INPP4B: variants seen among roughly 807,000 people sequenced by gnomAD.
INPP4B encodes inositol polyphosphate-4-phosphatase type II B, also known as inositol polyphosphate 4-phosphatase type II.
In INPP4B, 55 loss-of-function variants were observed where a neutral mutation model predicts 122.5. The observed-to-expected ratio is 0.45, with a 90% confidence interval of 0.36 to 0.56. The LOEUF (loss-of-function observed/expected upper bound fraction) is 0.56. INPP4B is among the 20% of genes least tolerant of loss of function. The pLI is 0.00. For synonymous variants in INPP4B, 403 were observed against 388.7 expected, an observed-to-expected ratio of 1.04 and a Z score of -0.43; for missense variants, 1,000 against 1,097.7, an observed-to-expected ratio of 0.91 and a Z score of 1.26.
chr4:142,673,892 T>C (rs573272195), intron 2 of INPP4B, among the ~76,000 whole-genome samples: 1 of 152,166 alleles, frequency 6.6e-6, no homozygotes, highest in Non-Finnish European at 1.5e-5. Flanking sequence ...GGACCCATGA[T>C]ACAGCACCTA....
intron 7 of INPP4B, among the ~76,000 whole-genome samples, chr4:142,334,408 T>G (rs868678653): frequency 2.0e-5 from 3 of 152,306 alleles, no homozygotes; most frequent in Non-Finnish European, 4.4e-5. Context: ...AATGCTGCAA[T>G]GAACATGGGC....
At chr4:142,125,638 C>A (rs940021550) in intron 18 of INPP4B, among the ~76,000 whole-genome samples, 6 of 152,084 alleles carry the variant, frequency 3.9e-5, no homozygotes, top group African/African-American at 1.4e-4. Context: ...TTCAGGATTT[C>A]TCTTCTCCAG....
chr4:142,587,185 A>G (rs1197926526), intron 2 of INPP4B, among the ~76,000 whole-genome samples: 1 of 152,166 alleles, frequency 6.6e-6, no homozygotes, highest in Non-Finnish European at 1.5e-5. Context: ...TTATCCTGTA[A>G]TGGCCAGTGG....
chr4:142,663,996 G>A (rs1447896600), intron 2 of INPP4B, among the ~76,000 whole-genome samples: 2 of 152,174 alleles, frequency 1.3e-5, no homozygotes, highest in Admixed American at 6.5e-5. Context: ...TCAGAGGAAT[G>A]ACTTGGTTAT....
chr4:142,032,935 C>CTT (rs147654038), intron 25 of INPP4B, among the ~76,000 whole-genome samples: 2,090 of 148,894 alleles, frequency 0.014, 42 homozygotes, highest in African/African-American at 0.048. Flanking sequence ...TCCCTCCTGC[C>CTT]TTTTTTTTTT....
chr4:142,240,399 T>C (rs1378179315), intron 11 of INPP4B, among the ~76,000 whole-genome samples: 1 of 152,072 alleles, frequency 6.6e-6, no homozygotes, highest in Non-Finnish European at 1.5e-5. Context: ...TTTGTTGAAA[T>C]AGATTAAACA....
At chr4:142,822,475 C>T (rs73850569) in intron 1 of INPP4B, among the ~76,000 whole-genome samples, 3,217 of 152,228 alleles carry the variant, frequency 0.021, 109 homozygotes, top group African/African-American at 0.073. Context: ...TGCCTCCTGT[C>T]AGATCAGTGG....
At chr4:142,202,737 T>C (rs1841174056) in intron 14 of INPP4B, 1 of 984,360 alleles carries the variant, frequency 1.0e-6, no homozygotes, top group Non-Finnish European at 1.2e-6. Context: ...CTTCTTTTCA[T>C]ACCAATTTGC....
At chr4:142,381,098 T>A (rs1031861244) in intron 7 of INPP4B, among the ~76,000 whole-genome samples, 1 of 152,158 alleles carries the variant, frequency 6.6e-6, no homozygotes, top group Non-Finnish European at 1.5e-5. Context: ...CCTGGTGTTT[T>A]GTTTCTATGA....
At chr4:142,430,117 GC>G (rs1808973676) in intron 4 of INPP4B, among the ~76,000 whole-genome samples, 1 of 151,926 alleles carries the variant, frequency 6.6e-6, no homozygotes, top group South Asian at 2.1e-4. Context: ...AAATTTACTG[GC>G]ATTTGGTCAC....
chr4:142,800,994 G>T (rs1777923598), intron 1 of INPP4B, among the ~76,000 whole-genome samples: 1 of 152,100 alleles, frequency 6.6e-6, no homozygotes, highest in African/African-American at 2.4e-5. Context: ...AAATAGATTT[G>T]ATGAAGAGTG....
chr4:142,484,822 C>T (rs1821012544), intron 2 of INPP4B, among the ~76,000 whole-genome samples: 1 of 151,978 alleles, frequency 6.6e-6, no homozygotes, highest in Admixed American at 6.6e-5. Flanking sequence ...TCCACGTTTT[C>T]TCATCATTTA....
chr4:142,549,766 T>C (rs967888713), intron 2 of INPP4B, among the ~76,000 whole-genome samples: 1 of 152,122 alleles, frequency 6.6e-6, no homozygotes, highest in Non-Finnish European at 1.5e-5. Context: ...ATTCAGGTAA[T>C]AGGCATGGGT....
intron 2 of INPP4B, among the ~76,000 whole-genome samples, chr4:142,718,097 C>A (rs936404900): frequency 2.0e-5 from 3 of 151,960 alleles, no homozygotes; most frequent in African/African-American, 7.3e-5. Flanking sequence ...TACAAGGCAA[C>A]ATCTGGGTGA....
At chr4:142,711,806 G>T (rs1763153999) in intron 2 of INPP4B, among the ~76,000 whole-genome samples, 1 of 152,160 alleles carries the variant, frequency 6.6e-6, no homozygotes, top group Admixed American at 6.5e-5. Context: ...CCAGCACTTT[G>T]GGAGGCTGAG....
chr4:142,452,850 G>A (rs1814603177), intron 3 of INPP4B, among the ~76,000 whole-genome samples: 1 of 151,938 alleles, frequency 6.6e-6, no homozygotes, highest in African/African-American at 2.4e-5. Flanking sequence ...ACAAAATATT[G>A]TGAAGCCTTG....
chr4:142,188,518 A>AAAAAATATATAT (rs1834267141), intron 15 of INPP4B, among the ~76,000 whole-genome samples: 1 of 105,096 alleles, frequency 9.5e-6, no homozygotes, highest in African/African-American at 3.3e-5. Context: ...AAAGAAAAAA[A>AAAAAATATATAT]ATATATATAG....
At chr4:142,141,800 C>G (rs536879313) in intron 18 of INPP4B, among the ~76,000 whole-genome samples, 1 of 152,192 alleles carries the variant, frequency 6.6e-6, no homozygotes, top group African/African-American at 2.4e-5. Context: ...AGATGACCAT[C>G]TGTTTAGCCA....
intron 8 of INPP4B, among the ~76,000 whole-genome samples, chr4:142,311,537 A>G (rs1439699057): frequency 6.6e-6 from 1 of 152,186 alleles, no homozygotes; most frequent in Non-Finnish European, 1.5e-5. Flanking sequence ...TAGATTTGCT[A>G]GCTTCCAAGC....
Sources: gnomAD v4.1 joint callset for allele counts (sites outside exome capture counted in the v4.1 genomes callset) on GRCh38, gnomAD v4.1.1 for gene constraint, MANE v1.5 for transcripts, NCBI Gene and HGNC (gene_info 2026-07-23, HGNC 2026-07-21) for gene names.